Variants in NOL4 observed in about 807,000 individuals in gnomAD.
The protein encoded by NOL4 is cancer/testis antigen 125.
A neutral mutation model predicts 75.9 loss-of-function variants in NOL4; 17 were observed. That is an observed-to-expected ratio of 0.22 (90% CI 0.15 to 0.34). The LOEUF (loss-of-function observed/expected upper bound fraction) is 0.34. Among genes scored for constraint, NOL4 ranks in the 10% least tolerant of loss-of-function variants. The pLI is 1.00. For missense variants in NOL4, 614 were observed against 793.5 expected (o/e 0.77, Z 2.72); for synonymous variants, 292 against 289.9 (o/e 1.01, Z -0.07).
chr18:33,901,223 C>T (rs1446899414), intron 9 of NOL4, among the ~76,000 whole-genome samples: 1 of 151,988 alleles, frequency 6.6e-6, no homozygotes, highest in African/African-American at 2.4e-5. Context: ...ACACAATAGT[C>T]TTTGTTTATG....
intron 8 of NOL4, among the ~76,000 whole-genome samples, chr18:33,953,110 G>A (rs2069363609): frequency 6.6e-6 from 1 of 151,684 alleles, no homozygotes; most frequent in Non-Finnish European, 1.5e-5. Flanking sequence ...AGGTAGGAAG[G>A]GAAAGCCACT....
chr18:33,874,871 C>A (rs2063857679), intron 10 of NOL4, among the ~76,000 whole-genome samples: 2 of 151,948 alleles, frequency 1.3e-5, no homozygotes, highest in African/African-American at 4.8e-5. Flanking sequence ...TTTCCTTAGG[C>A]TCATAACTAA....
intron 9 of NOL4, among the ~76,000 whole-genome samples, chr18:33,917,747 TTCC>T (rs1362695731): frequency 2.6e-5 from 4 of 152,116 alleles, no homozygotes; most frequent in African/African-American, 9.7e-5. Flanking sequence ...TCTGCAATCC[TTCC>T]TCCTCAGCCT....
In NOL4 at chr18:33,882,194, A is replaced by T. The variant is rs986746357; in HGVS notation, c.1723+1050T>A. 1.9e-4 allele frequency among the ~76,000 whole-genome samples: 29 copies of T among 152,334 alleles called. 1 individual carries two copies. The highest frequency in any genetic ancestry group is 1.7e-3 in the Admixed American group (26 of 15,304). ...CAAAAGCAATGGCAACAAAAGCCAA[A>T]GTTGACAAATGGGATCTAATTAAAC... On this transcript the variant is annotated intron_variant, in intron 10 of 10. Transcript: ENST00000261592.
intron 5 of NOL4, among the ~76,000 whole-genome samples, chr18:34,037,181 T>C (rs2075945753): frequency 6.6e-6 from 1 of 151,936 alleles, no homozygotes; most frequent in Non-Finnish European, 1.5e-5. Flanking sequence ...TTACAATAGC[T>C]ACAAAAAATC....
intron 10 of NOL4, among the ~76,000 whole-genome samples, chr18:33,863,282 A>G (rs1244586155): frequency 6.6e-6 from 1 of 151,638 alleles, no homozygotes; most frequent in Non-Finnish European, 1.5e-5. Context: ...GGGGTAGGGG[A>G]AGGGGGGAGG....
intron 4 of NOL4, among the ~76,000 whole-genome samples, chr18:34,101,845 ACCT>A (rs1315313532): frequency 6.6e-6 from 1 of 151,934 alleles, no homozygotes; most frequent in Non-Finnish European, 1.5e-5. Context: ...TCTGCTCAAA[ACCT>A]TCTAATGGCT....
In NOL4 at chr18:34,019,380, A is replaced by G. The variant is rs2074901317; in HGVS notation, c.994T>C (p.Tyr332His). ...AGGTCAGAAATTAGAAGATTCTTAT[A>G]CTTGTTTTTCCCATTACTGTTGTGA... ...DDHNSNGKNK[Y>H]KNLLISDLKM... The change falls in exon 6 of 11, where the codon TAT (tyrosine) becomes CAT (histidine). Residue 332 changes from tyrosine to histidine, a missense_variant. By Grantham distance (83) the Tyr-to-His change is moderately conservative. This residue lies in a region of NOL4 where 196 missense variants were observed against 167.9 expected (regional missense o/e 1.17). Coordinates refer to ENST00000261592, the MANE Select transcript of NOL4 (RefSeq NM_003787.5). The G allele has an allele frequency of 1.9e-6, 3 of 1,613,808 alleles. No individual in the cohort carries two copies. Among genetic ancestry groups the G allele is most frequent in the Non-Finnish European group, 2.5e-6 (3 of 1,179,900 alleles).
chr18:34,222,873 A>T, intron 1 of NOL4, 117 bp downstream of exon 1: 2 of 1,361,094 alleles, frequency 1.5e-6, no homozygotes, highest in Non-Finnish European at 2.0e-6. Context: ...TGAGGAAGGT[A>T]GGGGGCACAC....
At position 33,924,420 on chromosome 18, in the gene NOL4, C is replaced by CTTA. The variant is rs2067211412; in HGVS notation, c.1542+18644_1542+18645insTAA. 1.2e-4 allele frequency among the ~76,000 whole-genome samples: 18 copies of CTTA among 152,270 alleles called. No individual in the cohort carries two copies. The South Asian group carries it at 3.7e-3, about 32-fold the overall frequency. On this transcript the variant is annotated intron_variant, in intron 9 of 10. Coordinates refer to ENST00000261592, the MANE Select transcript of NOL4 (RefSeq NM_003787.5). ...TGTTGGACAATATTTTAAACTACGG[C>CTTA]ATTAATCCCAGTGAGTACCTCTCTA...
chr18:33,890,732 A>G (rs533203193), intron 9 of NOL4, among the ~76,000 whole-genome samples: 6 of 152,274 alleles, frequency 3.9e-5, no homozygotes, highest in Non-Finnish European at 7.4e-5. Context: ...TTAACTTATT[A>G]GACATTAAAA....
At chr18:34,120,061 CTG>C (rs749832847) in intron 2 of NOL4, among the ~76,000 whole-genome samples, 1 of 152,102 alleles carries the variant, frequency 6.6e-6, no homozygotes, top group Non-Finnish European at 1.5e-5. Context: ...ACTGGTTATC[CTG>C]TGTGTGTTAA....
chr18:34,073,770 A>G (rs1364772591), intron 5 of NOL4, among the ~76,000 whole-genome samples: 2 of 152,096 alleles, frequency 1.3e-5, no homozygotes, highest in Non-Finnish European at 2.9e-5. Flanking sequence ...GGGATATAGT[A>G]ATGCAATCAA....
Position 34,168,363 on chromosome 18 carries a change from AT to A in NOL4, c.265-38344del, listed in dbSNP as rs574505544. On this transcript the variant is annotated intron_variant, in intron 1 of 10. Coordinates refer to ENST00000261592, the MANE Select transcript of NOL4 (RefSeq NM_003787.5). Reference sequence around the variant, plus strand: ...AAGTTAAAATAAGAGATATAAATAAATTTTTTTTAGCCAGAAAATTAAGAAA... The same window carrying A: ...AAGTTAAAATAAGAGATATAAATAAATTTTTTTAGCCAGAAAATTAAGAAA... Among the ~76,000 whole-genome samples, 5 of 151,660 alleles carry A rather than the reference AT, an allele frequency of 3.3e-5. No individual in the cohort carries two copies. The South Asian group carries it at 6.2e-4, about 19-fold the overall frequency.
At chr18:34,171,284 T>C (rs2033011899) in intron 1 of NOL4, among the ~76,000 whole-genome samples, 1 of 152,172 alleles carries the variant, frequency 6.6e-6, no homozygotes, top group Non-Finnish European at 1.5e-5. Flanking sequence ...CCTTTTGTTG[T>C]TGTTTTTTGT....
intron 9 of NOL4, among the ~76,000 whole-genome samples, chr18:33,905,238 T>G (rs1261766192): frequency 6.6e-6 from 1 of 152,172 alleles, no homozygotes; most frequent in Non-Finnish European, 1.5e-5. Flanking sequence ...CCCACAGATG[T>G]GGTCTCACAT....
chr18:33,964,576 A>G (rs2070427431), intron 6 of NOL4, among the ~76,000 whole-genome samples: 1 of 152,182 alleles, frequency 6.6e-6, no homozygotes, highest in African/African-American at 2.4e-5. Flanking sequence ...CCAAACTTTA[A>G]TCTAGAAACA....
At chr18:34,200,757 G>GA (rs901797840) in intron 1 of NOL4, among the ~76,000 whole-genome samples, 6 of 151,616 alleles carry the variant, frequency 4.0e-5, no homozygotes, top group Non-Finnish European at 8.9e-5. Context: ...CTGTTCAGAT[G>GA]AAAAAAATAA....
rs577909572 is a variant in NOL4 at position 33,852,045 on chromosome 18, A to T, written c.*797T>A. 6.6e-6 allele frequency: 1 copy of T among 152,472 alleles called. No homozygotes were observed. The highest frequency in any genetic ancestry group is 1.9e-4 in the East Asian group (1 of 5,158). The allele number at this position is 152,472 out of a possible 1,614,324, so 9.4% of individuals were successfully genotyped here. On this transcript the variant is annotated 3_prime_UTR_variant, in exon 11 of 11. Transcript: ENST00000261592. The stretch of plus-strand genomic sequence containing the variant: ...ATGTCTTGTCATTATTAAAAAAAAA[A>T]TTCTGGGATGAAAACTGCTATGATA...
Sources: allele counts gnomAD v4.1 joint callset (sites outside exome capture counted in the v4.1 genomes callset), GRCh38; gene constraint gnomAD v4.1.1; regional missense constraint gnomAD v4.1.1; transcripts MANE v1.5; gene names NCBI Gene and HGNC (gene_info 2026-07-23, HGNC 2026-07-21).